The following CYP2C18 variants were observed in gnomAD, a reference collection of about 807,000 sequenced individuals.
CYP2C18 encodes cytochrome P450 family 2 subfamily C member 18.
A neutral mutation model predicts 41.3 loss-of-function variants in CYP2C18; 38 were observed. That is an observed-to-expected ratio of 0.92 (90% confidence interval 0.71 to 1.21). CYP2C18 has a LOEUF of 1.21. CYP2C18 is among the 50% of genes most tolerant of loss of function. CYP2C18 has a pLI of 0.00. For missense variants in CYP2C18, 635 were observed against 591.4 expected, an observed-to-expected ratio of 1.07 and a Z score of -0.77; for synonymous variants, 236 against 210.0, an observed-to-expected ratio of 1.12 and a Z score of -1.07.
chr10:94,696,527 G>A (rs1847119655), intron 4 of CYP2C18, among the ~76,000 whole-genome samples: 1 of 152,004 alleles, frequency 6.6e-6, no homozygotes, highest in Non-Finnish European at 1.5e-5. Flanking sequence ...ACAAAGATGG[G>A]GAAAAAACAG....
In CYP2C18 at chr10:94,720,535, C is replaced by CAGGTATGATGATACCAT; in HGVS notation, c.961+3_961+19dup. On this transcript the variant is annotated frameshift_variant and splice_region_variant, in exon 6 of 9. Transcript: ENST00000285979. LOFTEE classifies it high-confidence loss of function. Reference sequence around the variant, plus strand: ...CTCCTGCTGAAGTACCCAGAGGTCACAGGTATGATGATACCATAGGTGAGC... The same window carrying CAGGTATGATGATACCAT: ...CTCCTGCTGAAGTACCCAGAGGTCACAGGTATGATGATACCATAGGTATGATGATACCATAGGTGAGC... The CAGGTATGATGATACCAT allele has an allele frequency of 6.2e-7, 1 of 1,612,724 alleles. No individual in the cohort carries two copies. The highest frequency in any genetic ancestry group is 1.3e-5 in the African/African-American group (1 of 74,960).
chr10:94,717,896 G>T (rs1340391877), intron 5 of CYP2C18, among the ~76,000 whole-genome samples: 1 of 151,998 alleles, frequency 6.6e-6, no homozygotes, highest in Non-Finnish European at 1.5e-5. Flanking sequence ...GATGCCTCCA[G>T]CTTTCTTCTT....
At chr10:94,729,230 A>G (rs1847791587) in intron 7 of CYP2C18, among the ~76,000 whole-genome samples, 1 of 152,134 alleles carries the variant, frequency 6.6e-6, no homozygotes, top group Non-Finnish European at 1.5e-5. Flanking sequence ...ATGGCTGCTC[A>G]ATAAGAATTT....
intron 5 of CYP2C18, among the ~76,000 whole-genome samples, chr10:94,715,105 T>C (rs183129028): frequency 2.6e-5 from 4 of 152,344 alleles, no homozygotes; most frequent in African/African-American, 9.6e-5. Flanking sequence ...TTTCTAAATA[T>C]ACAATCATGT....
intron 4 of CYP2C18, among the ~76,000 whole-genome samples, chr10:94,698,259 A>T (rs553093916): frequency 2.0e-5 from 3 of 152,314 alleles, no homozygotes; most frequent in Non-Finnish European, 4.4e-5. Flanking sequence ...AATGTAAGAG[A>T]ACAGAAATTA....
chr10:94,720,654 A>G (rs1847631511), intron 6 of CYP2C18, 117 bp downstream of exon 6: 3 of 1,062,178 alleles, frequency 2.8e-6, no homozygotes, highest in Non-Finnish European at 4.1e-6. Flanking sequence ...TTTCTGTGCC[A>G]TTGGCTCTAA....
intron 7 of CYP2C18, among the ~76,000 whole-genome samples, chr10:94,725,083 A>T (rs1368242112): frequency 1.4e-5 from 2 of 147,972 alleles, no homozygotes; most frequent in Non-Finnish European, 3.0e-5. Context: ...ATAATATAAA[A>T]TATATATAAT....
At chr10:94,692,925 A>G (rs1056922215) in intron 3 of CYP2C18, among the ~76,000 whole-genome samples, 2 of 151,960 alleles carry the variant, frequency 1.3e-5, no homozygotes, top group East Asian at 3.9e-4. Flanking sequence ...GCAAGACCAA[A>G]CATCACATGT....
At chr10:94,692,008 G>T (rs1026174286) in intron 3 of CYP2C18, among the ~76,000 whole-genome samples, 52 of 152,064 alleles carry the variant, frequency 3.4e-4, no homozygotes, top group East Asian at 3.9e-4. Flanking sequence ...CCTTACACTT[G>T]ATACAAAAAT....
chr10:94,720,909 C>A (rs1316984949), intron 6 of CYP2C18, among the ~76,000 whole-genome samples: 5 of 152,092 alleles, frequency 3.3e-5, no homozygotes, highest in East Asian at 1.9e-4. Context: ...GTTGCAGTTT[C>A]TTTTTTGAAA....
chr10:94,692,977 C>T (rs1194196526), intron 3 of CYP2C18, among the ~76,000 whole-genome samples: 3 of 150,798 alleles, frequency 2.0e-5, no homozygotes, highest in Non-Finnish European at 4.4e-5. Flanking sequence ...AACACATGGA[C>T]ACAGGAAGGG....
At chr10:94,731,024 G>T (rs990738742) in intron 7 of CYP2C18, among the ~76,000 whole-genome samples, 7 of 152,154 alleles carry the variant, frequency 4.6e-5, no homozygotes, top group African/African-American at 1.4e-4. Flanking sequence ...AGAAATCATA[G>T]ATGACAAAAA....
intron 5 of CYP2C18, among the ~76,000 whole-genome samples, chr10:94,716,511 G>A (rs1367912344): frequency 6.6e-6 from 1 of 151,812 alleles, no homozygotes; most frequent in Non-Finnish European, 1.5e-5. Context: ...TTTCTTAATT[G>A]TAGTTCTAGT....
At chr10:94,689,177 T>A (rs1166145883) in intron 3 of CYP2C18, among the ~76,000 whole-genome samples, 1 of 152,202 alleles carries the variant, frequency 6.6e-6, no homozygotes, top group East Asian at 1.9e-4. Context: ...AGAAAATATA[T>A]GCTATAGCAT....
intron 4 of CYP2C18, among the ~76,000 whole-genome samples, chr10:94,704,549 GGAAGGAGGAAAGGAAT>G (rs1266477939): frequency 6.6e-6 from 1 of 151,976 alleles, no homozygotes; most frequent in East Asian, 1.9e-4. Context: ...AGGAAAGGAA[GGAAGGAGGAAAGGAAT>G]GAAGGAAGAA....
At chr10:94,731,427 T>C (rs1847831022) in intron 7 of CYP2C18, among the ~76,000 whole-genome samples, 1 of 151,594 alleles carries the variant, frequency 6.6e-6, no homozygotes, top group Non-Finnish European at 1.5e-5. Context: ...CCCAAAGCAA[T>C]CTACTGATTC....
chr10:94,732,617 T>C (rs2134211882), intron 7 of CYP2C18, among the ~76,000 whole-genome samples: 1 of 152,148 alleles, frequency 6.6e-6, no homozygotes, highest in South Asian at 2.1e-4. Flanking sequence ...GTGGTACAAA[T>C]ACACCAGGAA....
At chr10:94,709,522 A>G (rs977450536) in intron 5 of CYP2C18, among the ~76,000 whole-genome samples, 1 of 152,180 alleles carries the variant, frequency 6.6e-6, no homozygotes, top group Admixed American at 6.5e-5. Flanking sequence ...ATCAGATGTT[A>G]TTAAAGATAT....
chr10:94,733,630 G>A (rs1847872081), intron 8 of CYP2C18, 192 bp downstream of exon 8: 3 of 982,764 alleles, frequency 3.1e-6, no homozygotes, highest in South Asian at 9.4e-5. Flanking sequence ...GGGGCTTTGG[G>A]GAGTTGATCC....
Sources: allele counts gnomAD v4.1 joint callset (sites outside exome capture counted in the v4.1 genomes callset), GRCh38; gene constraint gnomAD v4.1.1; transcripts MANE v1.5; gene names NCBI Gene and HGNC (gene_info 2026-07-23, HGNC 2026-07-21).